Variants in TAFA5 observed in about 807,000 individuals in gnomAD.
The protein encoded by TAFA5 is TAFA chemokine like family member 5.
Under a neutral mutation model 15.3 loss-of-function variants are expected in TAFA5, and 6 were observed. That is an observed-to-expected ratio of 0.39 (90% CI 0.21 to 0.77). TAFA5 has a LOEUF of 0.77. Among genes scored for constraint, TAFA5 ranks in the 30% least tolerant of loss-of-function variants. The pLI is 0.41. For synonymous variants in TAFA5, 103 were observed against 80.7 expected, an observed-to-expected ratio of 1.28 and a Z score of -1.48; for missense variants, 161 against 193.1, an observed-to-expected ratio of 0.83 and a Z score of 0.98.
chr22:48,725,335 G>A (rs1929685111), intron 3 of TAFA5, among the ~76,000 whole-genome samples: 1 of 152,160 alleles, frequency 6.6e-6, no homozygotes, highest in South Asian at 2.1e-4. Context: ...CAAAACTCAA[G>A]TATGAGCCCG....
chr22:48,741,103 CCTGG>C (rs1422187688), intron 3 of TAFA5, among the ~76,000 whole-genome samples: 1 of 152,202 alleles, frequency 6.6e-6, no homozygotes, highest in Non-Finnish European at 1.5e-5. Flanking sequence ...TTCCCACCAC[CCTGG>C]CTGTGGTCCT....
In TAFA5 at chr22:48,489,765, GC is replaced by G; in HGVS notation, c.112+65del. The stretch of plus-strand genomic sequence containing the variant: ...TCTGGGCCCCGGACCCCCTCCTCCG[GC>G]CCCGGCAGGCGCCCCGCGGGCCTCC... On this transcript the variant is annotated intron_variant, in intron 1 of 3. Coordinates refer to ENST00000402357, the MANE Select transcript of TAFA5 (RefSeq NM_001082967.3). This position sits in a 1 kb window ranked among gnomAD's most constrained non-coding sequence, Gnocchi z 5.5. 1 of 1,074,476 alleles carries G rather than the reference GC, an allele frequency of 9.3e-7. No homozygotes were observed. The highest frequency in any genetic ancestry group is 1.2e-6 in the Non-Finnish European group (1 of 816,148). 66.6% of individuals were successfully genotyped at this position (1,074,476 alleles called of 1,614,324 possible).
chr22:48,574,007 G>A (rs993944792), intron 1 of TAFA5, among the ~76,000 whole-genome samples: 7 of 152,206 alleles, frequency 4.6e-5, no homozygotes, highest in Non-Finnish European at 7.3e-5. Context: ...GAAGGCCAAC[G>A]ACCTTGCTGG....
At chr22:48,661,227 T>A (rs1350705886) in intron 2 of TAFA5, among the ~76,000 whole-genome samples, 1 of 152,176 alleles carries the variant, frequency 6.6e-6, no homozygotes, top group Non-Finnish European at 1.5e-5. Context: ...TGGCACAGTG[T>A]CCCACCAGAG....
chr22:48,701,778 C>T (rs132228), intron 2 of TAFA5, among the ~76,000 whole-genome samples: 37,857 of 152,142 alleles, frequency 0.25, 4,931 homozygotes, highest in East Asian at 0.43. Flanking sequence ...AAGGAGAGCC[C>T]GGCTCCTGCC....
intron 3 of TAFA5, among the ~76,000 whole-genome samples, chr22:48,712,001 G>A (rs1194502100): frequency 2.6e-5 from 4 of 152,236 alleles, no homozygotes; most frequent in African/African-American, 7.2e-5. Flanking sequence ...GTGGATTCAC[G>A]ATTCATGGAT....
chr22:48,517,466 A>G (rs770150886), intron 1 of TAFA5, among the ~76,000 whole-genome samples: 2 of 151,982 alleles, frequency 1.3e-5, no homozygotes, highest in Non-Finnish European at 2.9e-5. Flanking sequence ...ATCCTTCCTC[A>G]GCTGCCTGAG....
chr22:48,580,204 C>T lies in TAFA5; in HGVS notation c.113-66393C>T, dbSNP rs116850322. On this transcript the variant is annotated intron_variant, in intron 1 of 3. Transcript: ENST00000402357. Reference sequence around the variant, plus strand: ...CATTGATTTAGTTAGCTGGCTCTTTCGGAAATGAGGCGTCCTCCTGCAAAC... The same window carrying T: ...CATTGATTTAGTTAGCTGGCTCTTTTGGAAATGAGGCGTCCTCCTGCAAAC... 1.7e-4 allele frequency among the ~76,000 whole-genome samples: 26 copies of T among 152,220 alleles called. No individual in the cohort carries two copies. The East Asian group carries it at 4.4e-3, about 26-fold the overall frequency.
chr22:48,526,594 C>T (rs564305738), intron 1 of TAFA5, among the ~76,000 whole-genome samples: 60 of 152,322 alleles, frequency 3.9e-4, no homozygotes, highest in African/African-American at 1.3e-3. Flanking sequence ...GGAGCTCCTG[C>T]GGGTGCATCC....
Position 48,555,687 on chromosome 22 carries a change from G to T in TAFA5, c.112+65983G>T, listed in dbSNP as rs147236426. On this transcript the variant is annotated intron_variant, in intron 1 of 3. Transcript: ENST00000402357. ...TGGCCTCCTGCAGCCAGGTGACCCC[G>T]TCATCAGCAAGGCCCAGGGAAGAGG... Among the ~76,000 whole-genome samples, 306 of 152,286 alleles carry T rather than the reference G, an allele frequency of 2.0e-3. 1 individual carries two copies. The highest frequency in any genetic ancestry group is 6.8e-3 in the African/African-American group (284 of 41,572).
intron 1 of TAFA5, among the ~76,000 whole-genome samples, chr22:48,549,949 G>A (rs913566466): frequency 2.0e-5 from 3 of 152,230 alleles, no homozygotes; most frequent in Non-Finnish European, 2.9e-5. Flanking sequence ...GGCGAGGTCC[G>A]AATGATTTCC....
chr22:48,566,589 A>G lies in TAFA5; in HGVS notation c.112+76885A>G, dbSNP rs1024657643. ...GGGAGGTAGCAGGGGCTGCCCGGGT[A>G]CACCTAGCTTTAGCCCAACCTCTCC... is the stretch of plus-strand genomic sequence containing the variant. On this transcript the variant is annotated intron_variant, in intron 1 of 3. Transcript: ENST00000402357. This position sits in a 1 kb window ranked among gnomAD's most constrained non-coding sequence, Gnocchi z 4.5. Among the ~76,000 whole-genome samples, 3 of 152,098 alleles carry G rather than the reference A, an allele frequency of 2.0e-5. No homozygotes were observed. Among genetic ancestry groups the G allele is most frequent in the Non-Finnish European group, 4.4e-5 (3 of 68,012 alleles).
intron 1 of TAFA5, among the ~76,000 whole-genome samples, chr22:48,574,675 C>G (rs1366785346): frequency 1.3e-5 from 2 of 152,166 alleles, no homozygotes; most frequent in East Asian, 3.9e-4. Context: ...GAAGCTTAGG[C>G]CCCGATTCCT....
chr22:48,728,330 AAAG>A (rs932773841), intron 3 of TAFA5, among the ~76,000 whole-genome samples: 3 of 152,236 alleles, frequency 2.0e-5, no homozygotes, highest in African/African-American at 7.2e-5. Context: ...AGTTTTAATA[AAAG>A]AAGAAGCCAC....
intron 1 of TAFA5, among the ~76,000 whole-genome samples, chr22:48,627,955 C>T (rs1285583448): frequency 1.3e-5 from 2 of 152,222 alleles, no homozygotes; most frequent in African/African-American, 4.8e-5. Context: ...GTGCACTTAC[C>T]TTACTCCCAC....
chr22:48,739,933 A>G (rs1162838551), intron 3 of TAFA5, among the ~76,000 whole-genome samples: 1 of 152,144 alleles, frequency 6.6e-6, no homozygotes, highest in African/African-American at 2.4e-5. Context: ...GAGTCAGCAG[A>G]AGCTCTGGGG....
intron 2 of TAFA5, among the ~76,000 whole-genome samples, chr22:48,686,350 A>G (rs1928353339): frequency 6.6e-6 from 1 of 152,158 alleles, no homozygotes; most frequent in Admixed American, 6.5e-5. Flanking sequence ...GGTTCTGGTG[A>G]GCACTCTCTT....
intron 1 of TAFA5, among the ~76,000 whole-genome samples, chr22:48,633,426 A>G: frequency 6.6e-6 from 1 of 151,756 alleles, no homozygotes; most frequent in African/African-American, 2.4e-5. Flanking sequence ...AGCGGGGCTC[A>G]CCACCCACGT....
chr22:48,674,565 CG>C (rs1222279297), intron 2 of TAFA5, among the ~76,000 whole-genome samples: 2 of 152,110 alleles, frequency 1.3e-5, no homozygotes, highest in African/African-American at 2.4e-5. Flanking sequence ...TTTGTTTGGG[CG>C]TCGACATTGG....
Sources: allele counts gnomAD v4.1 joint callset (sites outside exome capture counted in the v4.1 genomes callset), GRCh38; gene constraint gnomAD v4.1.1; non-coding constraint Gnocchi (gnomAD v3.1); transcripts MANE v1.5; gene names NCBI Gene and HGNC (gene_info 2026-07-23, HGNC 2026-07-21).